PRPF39: variants seen among roughly 807,000 people sequenced by gnomAD.
PRPF39 encodes the protein pre-mRNA-processing factor 39.
Under a neutral mutation model 82.1 loss-of-function variants are expected in PRPF39, and 27 were observed. That is an observed-to-expected ratio of 0.33 (90% CI 0.24 to 0.45). The LOEUF (loss-of-function observed/expected upper bound fraction) is 0.45. Ranked by LOEUF, PRPF39 falls within the 20% of genes least tolerant of loss-of-function variation. The pLI, the probability that PRPF39 is intolerant of heterozygous loss-of-function variation, is 1.00. For missense variants in PRPF39, 581 were observed against 796.9 expected (o/e 0.73, Z 3.26); for synonymous variants, 261 against 256.4 (o/e 1.02, Z -0.17).
intron 12 of PRPF39, 113 bp from the exon 13 acceptor site, chr14:45,114,381 G>C (rs1884778494): frequency 7.4e-7 from 1 of 1,344,646 alleles, no homozygotes; most frequent in Non-Finnish European, 1.0e-6. Context: ...ATTTGAAAAA[G>C]TCTTGAGTGA....
At chr14:45,092,450 A>G (rs192082340) in intron 1 of PRPF39, among the ~76,000 whole-genome samples, 92 of 152,096 alleles carry the variant, frequency 6.0e-4, no homozygotes, top group African/African-American at 2.2e-3. Context: ...AAAATACAAA[A>G]ATTAGCTGGG....
rs1884808986 is a variant in PRPF39 at position 45,115,424 on chromosome 14, T to C, written c.*511T>C. The C allele has an allele frequency of 1.3e-5, 2 of 152,460 alleles. No homozygotes were observed. Among genetic ancestry groups the C allele is most frequent in the African/African-American group, 4.8e-5 (2 of 41,388 alleles). 9.4% of individuals were successfully genotyped at this position (152,460 alleles called of 1,614,324 possible). On this transcript the variant is annotated 3_prime_UTR_variant, in exon 14 of 14. Coordinates refer to ENST00000355765, the MANE Select transcript of PRPF39 (RefSeq NM_017922.4). Reference sequence around the variant, plus strand: ...ATTATTAAAATACTTTGCCTTGGAATAGATTATAAATGAGAAAATGGAATG... The same window carrying C: ...ATTATTAAAATACTTTGCCTTGGAACAGATTATAAATGAGAAAATGGAATG...
chr14:45,092,969 T>A (rs1884084943), intron 1 of PRPF39, among the ~76,000 whole-genome samples: 2 of 151,968 alleles, frequency 1.3e-5, no homozygotes, highest in Admixed American at 1.3e-4. Flanking sequence ...ACAAAAAACT[T>A]CTCCCCCCAT....
At chr14:45,102,751 A>G in intron 5 of PRPF39, 55 bp downstream of exon 5, 1 of 1,405,588 alleles carries the variant, frequency 7.1e-7, no homozygotes, top group Non-Finnish European at 9.7e-7. Context: ...ATAGTTGGTA[A>G]TATTAAGTAT....
In PRPF39 at chr14:45,109,690, T is replaced by G; in HGVS notation, c.1086T>G (p.Phe362Leu). ...QLKNWKEYLE[F>L]EIENGTHERV... The stretch of plus-strand genomic sequence containing the variant: ...AAAACTGGAAAGAATACTTAGAATT[T>G]GAAATTGAAAATGGGACTCATGAAC... Residue 362 changes from phenylalanine to leucine, a missense_variant, in exon 8 of 14, where the codon TTT (phenylalanine) becomes TTG (leucine). Transcript: ENST00000355765. The G allele has an allele frequency of 6.2e-7, 1 of 1,608,682 alleles. No individual in the cohort carries two copies. Among genetic ancestry groups the G allele is most frequent in the Admixed American group, 1.7e-5 (1 of 59,300 alleles).
At position 45,114,951 on chromosome 14, in the gene PRPF39, G is replaced by A. The variant is rs1406470720; in HGVS notation, c.*38G>A. ...AAATTTCAAATGCAGTGTGTGAAAA[G>A]TATGAAATTATTATTTTTTTTAATG... On this transcript the variant is annotated 3_prime_UTR_variant, in exon 14 of 14. Coordinates refer to ENST00000355765, the MANE Select transcript of PRPF39 (RefSeq NM_017922.4). 6.7e-7 allele frequency: 1 copy of A among 1,496,794 alleles called. No homozygotes were observed. The highest frequency in any genetic ancestry group is 1.4e-5 in the African/African-American group (1 of 72,078). 92.7% of individuals were successfully genotyped at this position (1,496,794 alleles called of 1,614,324 possible).
At chr14:45,100,793 C>T (rs543102706) in intron 4 of PRPF39, among the ~76,000 whole-genome samples, 2 of 152,216 alleles carry the variant, frequency 1.3e-5, no homozygotes, top group Admixed American at 6.5e-5. Context: ...TGTCTTTTAT[C>T]ATATGGAGTT....
intron 1 of PRPF39, among the ~76,000 whole-genome samples, chr14:45,086,314 C>T (rs1039410188): frequency 6.6e-6 from 1 of 152,116 alleles, no homozygotes; most frequent in Non-Finnish European, 1.5e-5. Context: ...TTTAAGATGG[C>T]ATAATTGTCA....
rs1884653720 is a variant in PRPF39, at chr14:45,110,043, A to G, written c.1177-51A>G. On this transcript the variant is annotated intron_variant, in intron 8 of 13. Transcript: ENST00000355765. The surrounding 1 kb of genome is among the most constrained non-coding windows in gnomAD (Gnocchi z 4.0). ...ATTTTATCGTTCTGTCACAAATTTAATGGCTTGTTCAACTGTAAATTATTC... is the reference window on the plus strand; with the variant it reads ...ATTTTATCGTTCTGTCACAAATTTAGTGGCTTGTTCAACTGTAAATTATTC... 1.2e-6 allele frequency: 2 copies of G among 1,602,100 alleles called. No homozygotes were observed. Among genetic ancestry groups the G allele is most frequent in the African/African-American group, 2.7e-5 (2 of 74,474 alleles).
intron 1 of PRPF39, among the ~76,000 whole-genome samples, chr14:45,090,131 T>TA (rs1432361388): frequency 6.6e-6 from 1 of 152,210 alleles, no homozygotes; most frequent in Middle Eastern, 3.2e-3. Context: ...AGCTCTGAAA[T>TA]ACAAAACCAC....
intron 1 of PRPF39, among the ~76,000 whole-genome samples, chr14:45,084,646 G>A (rs1181358927): frequency 6.6e-6 from 1 of 152,074 alleles, no homozygotes; most frequent in Non-Finnish European, 1.5e-5. Flanking sequence ...GATAATATAC[G>A]TTCTATTACT....
At chr14:45,093,230 T>TA (rs1030877105) in intron 1 of PRPF39, among the ~76,000 whole-genome samples, 41 of 152,020 alleles carry the variant, frequency 2.7e-4, no homozygotes, top group African/African-American at 9.2e-4. Flanking sequence ...ATGATTTATT[T>TA]TTTTTTTTTT....
intron 5 of PRPF39, among the ~76,000 whole-genome samples, chr14:45,105,886 G>A (rs995508611): frequency 3.3e-5 from 5 of 152,074 alleles, no homozygotes; most frequent in Non-Finnish European, 5.9e-5. Context: ...GGAGTTGTGA[G>A]ACTAGAGGCT....
chr14:45,104,173 C>T lies in PRPF39; in HGVS notation c.737+1477C>T, dbSNP rs540083227. On this transcript the variant is annotated intron_variant, in intron 5 of 13. Coordinates refer to ENST00000355765, the MANE Select transcript of PRPF39 (RefSeq NM_017922.4). ...TCTTTTTTATTTCTAAATAAATATC[C>T]CACTAGGCTTTTATTTATTTATTTT... 1.1e-3 allele frequency among the ~76,000 whole-genome samples: 160 copies of T among 152,146 alleles called. 1 individual carries two copies. The highest frequency in any genetic ancestry group is 3.8e-3 in the African/African-American group (157 of 41,522).
intron 7 of PRPF39, 133 bp downstream of exon 7, chr14:45,108,655 C>G (rs1001096296): frequency 4.5e-5 from 55 of 1,215,664 alleles, no homozygotes; most frequent in Non-Finnish European, 5.4e-5. Flanking sequence ...AGATGTTTGT[C>G]TCATTTATTG....
chr14:45,096,108 C>G lies in PRPF39; in HGVS notation c.330C>G (p.His110Gln), dbSNP rs1277915146. The change falls in exon 3 of 14, where the codon CAC (histidine) becomes CAG (glutamine). Residue 110 changes from histidine (H) to glutamine (Q), a missense_variant. Transcript: ENST00000355765. ...TACTGTTTTATTTTTATCAGAATCA[C>G]TTGATGGCTGCCAGGAAGGCATTTG... ...YLLQYVEQEN[H>Q]LMAARKAFDR... 10 of 1,567,398 alleles carry G rather than the reference C, an allele frequency of 6.4e-6. No homozygotes were observed. The highest frequency in any genetic ancestry group is 1.4e-5 in the African/African-American group (1 of 73,550).
intron 5 of PRPF39, among the ~76,000 whole-genome samples, chr14:45,104,485 G>T (rs769853348): frequency 2.0e-5 from 3 of 151,524 alleles, no homozygotes; most frequent in Non-Finnish European, 4.4e-5. Context: ...TTTAGCATTT[G>T]CTGTGTACCT....
In PRPF39 at chr14:45,096,094, T is replaced by G; in HGVS notation, c.325-9T>G. 6.4e-7 allele frequency: 1 copy of G among 1,553,804 alleles called. No homozygotes were observed. Among genetic ancestry groups the G allele is most frequent in the Non-Finnish European group, 8.7e-7 (1 of 1,147,162 alleles). ...CCACAATATTTAAATACTGTTTTAT[T>G]TTTATCAGAATCACTTGATGGCTGC... On this transcript the variant is annotated splice_polypyrimidine_tract_variant and intron_variant, in intron 2 of 13. Transcript: ENST00000355765.
intron 1 of PRPF39, among the ~76,000 whole-genome samples, chr14:45,088,994 C>T (rs1168006019): frequency 6.6e-6 from 1 of 152,202 alleles, no homozygotes; most frequent in East Asian, 1.9e-4. Flanking sequence ...GAGATGATTA[C>T]TTAGCCCCTT....
Sources: gnomAD v4.1 joint callset for allele counts (sites outside exome capture counted in the v4.1 genomes callset) on GRCh38, gnomAD v4.1.1 for gene constraint, Gnocchi (gnomAD v3.1) non-coding constraint, MANE v1.5 for transcripts, NCBI Gene and HGNC (gene_info 2026-07-23, HGNC 2026-07-21) for gene names.